DIAPH3: variants seen among roughly 807,000 people sequenced by gnomAD.
DIAPH3 encodes protein diaphanous homolog 3.
In DIAPH3, 117 loss-of-function variants were observed where a neutral mutation model predicts 144.3. The observed-to-expected ratio is 0.81, with a 90% CI of 0.70 to 0.95. DIAPH3 has a LOEUF of 0.95. Ranked by LOEUF, DIAPH3 falls within the 40% of genes least tolerant of loss-of-function variation. The pLI is 0.00. For synonymous variants in DIAPH3, 519 were observed against 488.9 expected (o/e 1.06, Z -0.81); for missense variants, 1,421 against 1,412.7 (o/e 1.01, Z -0.09).
intron 22 of DIAPH3, among the ~76,000 whole-genome samples, chr13:59,852,674 GTAT>G (rs1305877386): frequency 6.6e-6 from 1 of 152,098 alleles, no homozygotes; most frequent in African/African-American, 2.4e-5. Flanking sequence ...AACTGCATGT[GTAT>G]TATTCTTTAA....
chr13:59,955,036 G>T (rs1267747209), intron 17 of DIAPH3, among the ~76,000 whole-genome samples: 1 of 150,480 alleles, frequency 6.6e-6, no homozygotes, highest in Non-Finnish European at 1.5e-5. Context: ...CTCAACTTTA[G>T]ATTTTCTGGT....
At chr13:60,061,078 A>G (rs1263564817) in intron 4 of DIAPH3, among the ~76,000 whole-genome samples, 1 of 152,082 alleles carries the variant, frequency 6.6e-6, no homozygotes, top group Non-Finnish European at 1.5e-5. Flanking sequence ...AGAAGGGAAG[A>G]TGTCCCAATT....
chr13:60,163,591 T>C lies in DIAPH3; in HGVS notation c.176A>G (p.Lys59Arg). Reference protein sequence around the residue: ...GPEEPGEKRPKFHLNIRTLTD... With the variant: ...GPEEPGEKRPRFHLNIRTLTD... ...CTAGCTCCAGGCGATACTCACAAACTTGGGGCGCTTCTCCCCAGGCTCCTC... is the reference window on the plus strand; with the variant it reads ...CTAGCTCCAGGCGATACTCACAAACCTGGGGCGCTTCTCCCCAGGCTCCTC... The change falls in exon 1 of 28, where the codon AAG (lysine) becomes AGG (arginine). Residue 59 changes from lysine (K) to arginine (R), a missense_variant. Coordinates refer to ENST00000400324, the MANE Select transcript of DIAPH3 (RefSeq NM_001042517.2). 1 of 1,588,122 alleles carries C rather than the reference T, an allele frequency of 6.3e-7. No homozygotes were observed. The highest frequency in any genetic ancestry group is 8.6e-7 in the Non-Finnish European group (1 of 1,163,134).
chr13:59,961,542 A>G (rs537828913), intron 17 of DIAPH3, among the ~76,000 whole-genome samples: 1 of 152,322 alleles, frequency 6.6e-6, no homozygotes, highest in Non-Finnish European at 1.5e-5. Flanking sequence ...TAAAGCCTTT[A>G]ATATACATTG....
intron 3 of DIAPH3, among the ~76,000 whole-genome samples, chr13:60,098,763 T>C (rs2058179990): frequency 6.6e-6 from 1 of 152,152 alleles, no homozygotes; most frequent in Non-Finnish European, 1.5e-5. Flanking sequence ...AAAATGACAC[T>C]GCAGACACAG....
At chr13:60,098,592 C>CAAATTGAACAGAAT (rs547607440) in intron 3 of DIAPH3, among the ~76,000 whole-genome samples, 1 of 151,782 alleles carries the variant, frequency 6.6e-6, no homozygotes, top group East Asian at 1.9e-4. Flanking sequence ...AATATAGAAA[C>CAAATTGAACAGAAT]AAATTGAACA....
intron 27 of DIAPH3, among the ~76,000 whole-genome samples, chr13:59,751,055 C>T (rs907396231): frequency 6.6e-6 from 1 of 152,254 alleles, no homozygotes; most frequent in African/African-American, 2.4e-5. Flanking sequence ...CTTTTGGGGG[C>T]ACTGCGTGCT....
intron 20 of DIAPH3, among the ~76,000 whole-genome samples, chr13:59,891,065 CT>C (rs940430730): frequency 3.9e-5 from 6 of 151,994 alleles, no homozygotes; most frequent in Non-Finnish European, 7.4e-5. Flanking sequence ...CCAGCCTCCT[CT>C]TTTCCATTAT....
intron 17 of DIAPH3, among the ~76,000 whole-genome samples, chr13:59,939,501 C>T (rs954532500): frequency 6.6e-6 from 1 of 152,152 alleles, no homozygotes; most frequent in Non-Finnish European, 1.5e-5. Flanking sequence ...AGATCTTCAT[C>T]TTTTCCTACA....
chr13:60,057,259 C>A (rs2056593588), intron 4 of DIAPH3, among the ~76,000 whole-genome samples: 1 of 151,696 alleles, frequency 6.6e-6, no homozygotes, highest in Non-Finnish European at 1.5e-5. Context: ...CCAACAACAA[C>A]CAAGCTGAGA....
At chr13:59,699,508 C>A (rs2033988870) in intron 27 of DIAPH3, among the ~76,000 whole-genome samples, 1 of 152,204 alleles carries the variant, frequency 6.6e-6, no homozygotes, top group African/African-American at 2.4e-5. Flanking sequence ...ATCTGACTTA[C>A]TAATTTATTT....
chr13:59,736,574 G>T, intron 27 of DIAPH3, among the ~76,000 whole-genome samples: 1 of 151,974 alleles, frequency 6.6e-6, no homozygotes, highest in Non-Finnish European at 1.5e-5. Flanking sequence ...TCATTAAAAT[G>T]GCCATATTAC....
In DIAPH3 at chr13:59,911,744, A is replaced by T; in HGVS notation, c.2358T>A (p.Phe786Leu). ...EYSNLCEPEQFVVVMSNVKRL... is the reference protein window; with the variant it reads ...EYSNLCEPEQLVVVMSNVKRL... ...GAGACTCGGTACTTACCACAACCAC[A>T]AACTGCTCAGGTTCACATAAGTTGC... The change falls in exon 20 of 28, where the codon TTT becomes TTA. Residue 786 changes from phenylalanine to leucine, a missense_variant. Transcript: ENST00000400324. 6.2e-7 allele frequency: 1 copy of T among 1,613,364 alleles called. No individual in the cohort carries two copies. Among genetic ancestry groups the T allele is most frequent in the African/African-American group, 1.3e-5 (1 of 75,020 alleles).
chr13:59,993,256 CTTCAACT>C (rs2140836569), intron 9 of DIAPH3, among the ~76,000 whole-genome samples: 1 of 151,974 alleles, frequency 6.6e-6, no homozygotes, highest in South Asian at 2.1e-4. Context: ...ATGTTTAACA[CTTCAACT>C]TTCAACTTCT....
chr13:59,991,964 T>C (rs924206115), intron 11 of DIAPH3, 104 bp downstream of exon 11: 2 of 913,474 alleles, frequency 2.2e-6, no homozygotes, highest in African/African-American at 3.3e-5. Context: ...AGGTTTGATT[T>C]CATGTTGTTT....
intron 3 of DIAPH3, among the ~76,000 whole-genome samples, chr13:60,102,022 A>G (rs552313328): frequency 1.3e-5 from 2 of 152,142 alleles, no homozygotes; most frequent in Non-Finnish European, 2.9e-5. Context: ...TCTGCCTATC[A>G]CCCTCAGTAA....
intron 2 of DIAPH3, among the ~76,000 whole-genome samples, chr13:60,123,746 T>C (rs2058909022): frequency 1.3e-5 from 2 of 152,192 alleles, no homozygotes; most frequent in African/African-American, 4.8e-5. Flanking sequence ...GTTGGGCAGA[T>C]GGTACATCAC....
intron 1 of DIAPH3, among the ~76,000 whole-genome samples, chr13:60,149,979 C>G (rs184991679): frequency 3.9e-4 from 60 of 152,086 alleles, no homozygotes; most frequent in Admixed American, 2.9e-3. Context: ...CCCCTTTGTA[C>G]TCCTACATTG....
In DIAPH3 at chr13:60,048,071, A is replaced by T. The variant is rs114148430; in HGVS notation, c.496-5251T>A. ...CAGGGCCCATGGTGAATGCCTGCAC[A>T]TGCAGTGGATTGCATCATAAGAGAA... On this transcript the variant is annotated intron_variant, in intron 4 of 27. Transcript: ENST00000400324. Among the ~76,000 whole-genome samples the T allele has an allele frequency of 3.8e-3, 572 of 152,350 alleles. 2 individuals are homozygous for T. Among genetic ancestry groups the T allele is most frequent in the African/African-American group, 0.012 (505 of 41,588 alleles).
Sources: allele counts gnomAD v4.1 joint callset (sites outside exome capture counted in the v4.1 genomes callset), GRCh38; gene constraint gnomAD v4.1.1; transcripts MANE v1.5; gene names NCBI Gene and HGNC (gene_info 2026-07-23, HGNC 2026-07-21).